PUS10: variants seen among roughly 807,000 people sequenced by gnomAD.
PUS10 encodes the protein pseudouridine synthase 10.
In PUS10, 59 loss-of-function variants were observed where a neutral mutation model predicts 75.0. The observed-to-expected ratio is 0.79, with a 90% CI of 0.64 to 0.98. The LOEUF is 0.98. Ranked by LOEUF, PUS10 falls within the 50% of genes least tolerant of loss-of-function variation. The pLI is 0.00. For missense variants in PUS10, 650 were observed against 614.4 expected, an observed-to-expected ratio of 1.06 and a Z score of -0.61; for synonymous variants, 219 against 211.6, an observed-to-expected ratio of 1.03 and a Z score of -0.30.
intron 4 of PUS10, among the ~76,000 whole-genome samples, chr2:60,993,948 C>T (rs1678282016): frequency 6.6e-6 from 1 of 151,978 alleles, no homozygotes; most frequent in South Asian, 2.1e-4. Flanking sequence ...TGCCACCAAG[C>T]CTGGCAAATT....
intron 4 of PUS10, among the ~76,000 whole-genome samples, chr2:60,982,425 G>C (rs1002094562): frequency 2.6e-5 from 4 of 152,044 alleles, no homozygotes; most frequent in African/African-American, 7.2e-5. Flanking sequence ...ACCACACCCA[G>C]CTAATTTTTG....
intron 5 of PUS10, 150 bp downstream of exon 5, chr2:60,971,373 T>C: frequency 1.4e-6 from 1 of 710,198 alleles, no homozygotes; most frequent in Non-Finnish European, 2.6e-6. Flanking sequence ...ATACCCTAAA[T>C]GTATAGAATA....
At chr2:61,012,984 C>T (rs534280945) in intron 1 of PUS10, among the ~76,000 whole-genome samples, 1 of 147,998 alleles carries the variant, frequency 6.8e-6, no homozygotes, top group Non-Finnish European at 1.5e-5. Context: ...TGGCTCACAT[C>T]TATAGTCTCA....
At chr2:61,007,215 GTTTTTT>G (rs758807191) in intron 3 of PUS10, among the ~76,000 whole-genome samples, 1 of 144,496 alleles carries the variant, frequency 6.9e-6, no homozygotes. Flanking sequence ...GTAGGCTTTT[GTTTTTT>G]TTTTTTTAAA....
Position 60,942,225 on chromosome 2 carries a change from AT to A in PUS10, c.*169del. 1.6e-6 allele frequency: 1 copy of A among 642,838 alleles called. No individual in the cohort carries two copies. The highest frequency in any genetic ancestry group is 2.8e-6 in the Non-Finnish European group (1 of 352,744). 39.8% of individuals were successfully genotyped at this position (642,838 alleles called of 1,614,324 possible). On this transcript the variant is annotated 3_prime_UTR_variant, in exon 18 of 18. Transcript: ENST00000316752. ...GAACAATTTAACACAAAATATACAC[AT>A]ATATAGATCCTGAGATGTTACAACA...
At chr2:60,961,396 G>C in intron 10 of PUS10, 67 bp downstream of exon 10, 1 of 1,135,080 alleles carries the variant, frequency 8.8e-7, no homozygotes, top group Non-Finnish European at 1.3e-6. Flanking sequence ...TAGAACAGGA[G>C]TCAGCTGAGT....
rs749593579 is a variant in PUS10 at position 60,948,077 on chromosome 2, G to A, written c.1417C>T (p.His473Tyr). ...FMETQYVDEH[H>Y]FRLHLKTQAG... ...TGAGTTTTCAAGTGGAGGCGGAAGT[G>A]GTGCTCATCCACGTACTGTGTCTCC... is the stretch of plus-strand genomic sequence containing the variant. Residue 473 changes from histidine to tyrosine, a missense_variant, in exon 16 of 18, where the codon CAC (histidine) becomes TAC (tyrosine). Physicochemically the swap from His to Tyr is moderately conservative, Grantham distance 83. Coordinates refer to ENST00000316752, the MANE Select transcript of PUS10 (RefSeq NM_144709.4). 4 of 1,614,142 alleles carry A rather than the reference G, an allele frequency of 2.5e-6. No individual in the cohort carries two copies. The South Asian group carries it at 3.3e-5, about 13-fold the overall frequency.
intron 4 of PUS10, among the ~76,000 whole-genome samples, chr2:60,972,466 T>C (rs1357121089): frequency 6.6e-6 from 1 of 151,332 alleles, no homozygotes; most frequent in African/African-American, 2.4e-5. Context: ...CGAGACACCG[T>C]TTCAAGAAAA....
In PUS10 at chr2:60,940,238, A is replaced by G. The variant is rs1444270902; in HGVS notation, c.*2157T>C. ...TACTTGGACATTTTTCATTTTACCA[A>G]CTTTATTTTCTTTTGACTTTTCCAG... On this transcript the variant is annotated 3_prime_UTR_variant, in exon 18 of 18. Transcript: ENST00000316752. The G allele has an allele frequency of 6.6e-6, 1 of 152,310 alleles. No homozygotes were observed. Among genetic ancestry groups the G allele is most frequent in the Non-Finnish European group, 1.5e-5 (1 of 68,026 alleles). The allele number at this position is 152,310 out of a possible 1,614,324, so 9.4% of individuals were successfully genotyped here. A position where few individuals can be genotyped will look rare whatever the true frequency, so the allele number is the denominator to read the frequency against.
At chr2:60,971,901 CG>C (rs1676694768) in intron 4 of PUS10, among the ~76,000 whole-genome samples, 1 of 127,128 alleles carries the variant, frequency 7.9e-6, no homozygotes, top group Non-Finnish European at 1.6e-5. Context: ...GACGGAGTCT[CG>C]CTCTGTCACC....
intron 5 of PUS10, 30 bp downstream of exon 5, chr2:60,971,493 T>C (rs747398371): frequency 1.9e-6 from 3 of 1,594,470 alleles, no homozygotes; most frequent in Middle Eastern, 1.7e-4. Flanking sequence ...ATTTGAATGG[T>C]AGTAAAAATT....
intron 14 of PUS10, 58 bp from the exon 15 acceptor site, chr2:60,953,172 G>T: frequency 2.2e-6 from 2 of 907,074 alleles, no homozygotes; most frequent in African/African-American, 3.3e-5. Flanking sequence ...AAAAAACCTT[G>T]CCCTGAATTA....
chr2:60,990,279 C>G (rs1677994961), intron 4 of PUS10, among the ~76,000 whole-genome samples: 1 of 152,116 alleles, frequency 6.6e-6, no homozygotes, highest in African/African-American at 2.4e-5. Context: ...AGTGGATCAA[C>G]CCTCCTGAGG....
intron 1 of PUS10, among the ~76,000 whole-genome samples, chr2:61,013,858 C>A (rs1187603852): frequency 6.6e-6 from 1 of 151,924 alleles, no homozygotes; most frequent in East Asian, 1.9e-4. Flanking sequence ...AACCTTGTCT[C>A]TACTAAAAAT....
chr2:61,017,541 T>C lies in PUS10; in HGVS notation c.-16+467A>G, dbSNP rs1184371245. On this transcript the variant is annotated intron_variant, in intron 1 of 17. Coordinates refer to ENST00000316752, the MANE Select transcript of PUS10 (RefSeq NM_144709.4). ...TGAGGTTTAGAAAGGCAGCTCTTTC[T>C]GGGGCAAATACAAAGAGCGTGTTTC... The C allele has an allele frequency of 9.4e-6, 5 of 530,350 alleles. No homozygotes were observed. In the African/African-American group the frequency reaches 9.6e-5, roughly 10 times the overall value. The allele number at this position is 530,350 out of a possible 1,614,324, so 32.9% of individuals were successfully genotyped here.
At position 61,015,515 on chromosome 2, in the gene PUS10, C is replaced by T. The variant is rs537067729; in HGVS notation, c.-16+2493G>A. Among the ~76,000 whole-genome samples, 10 of 151,986 alleles carry T rather than the reference C, an allele frequency of 6.6e-5. No homozygotes were observed. In the East Asian group the frequency reaches 1.7e-3, roughly 26 times the overall value. ...GAGATCGAGACCATCCTGGCTAACA[C>T]GATGAAATCCCATCTCTACTAAAAA... On this transcript the variant is annotated intron_variant, in intron 1 of 17. Coordinates refer to ENST00000316752, the MANE Select transcript of PUS10 (RefSeq NM_144709.4).
intron 1 of PUS10, chr2:61,017,572 A>G (rs1439554439): frequency 1.1e-5 from 6 of 558,052 alleles, no homozygotes; most frequent in Non-Finnish European, 1.9e-5. Flanking sequence ...GTTTCTTCCT[A>G]CAAATTAGTG....
At chr2:60,975,864 C>T (rs555624780) in intron 4 of PUS10, among the ~76,000 whole-genome samples, 3 of 152,162 alleles carry the variant, frequency 2.0e-5, no homozygotes, top group South Asian at 4.1e-4. Context: ...CCGTTTCAAA[C>T]GATTCTCCTG....
chr2:60,975,911 G>A (rs993814905), intron 4 of PUS10, among the ~76,000 whole-genome samples: 9 of 152,066 alleles, frequency 5.9e-5, no homozygotes, highest in East Asian at 5.8e-4. Flanking sequence ...ACAGGCACCC[G>A]CCACCACATC....
Sources: allele counts gnomAD v4.1 joint callset (sites outside exome capture counted in the v4.1 genomes callset), GRCh38; gene constraint gnomAD v4.1.1; transcripts MANE v1.5; gene names NCBI Gene and HGNC (gene_info 2026-07-23, HGNC 2026-07-21).